MARCHF1: variants seen among roughly 807,000 people sequenced by gnomAD.
The protein encoded by MARCHF1 is E3 ubiquitin-protein ligase MARCHF1.
A neutral mutation model predicts 54.2 loss-of-function variants in MARCHF1; 40 were observed. The ratio of observed to expected loss-of-function variants is 0.74; its 90% CI spans 0.57 to 0.96. The LOEUF is 0.96. MARCHF1 is among the 40% of genes least tolerant of loss of function. MARCHF1 has a pLI of 0.00. For synonymous variants in MARCHF1, 236 were observed against 236.3 expected (o/e 1.00, Z 0.01); for missense variants, 586 against 656.5 (o/e 0.89, Z 1.17).
intron 1 of MARCHF1, among the ~76,000 whole-genome samples, chr4:164,229,569 A>G (rs1365588125): frequency 6.6e-6 from 1 of 152,204 alleles, no homozygotes; most frequent in Non-Finnish European, 1.5e-5. Flanking sequence ...CAGGTGAGTT[A>G]GTCCTTTCCC....
At chr4:164,096,687 G>T (rs1444572056) in intron 2 of MARCHF1, among the ~76,000 whole-genome samples, 2 of 152,000 alleles carry the variant, frequency 1.3e-5, no homozygotes, top group African/African-American at 4.8e-5. Flanking sequence ...CACAAAAACA[G>T]AATGTAATAG....
intron 1 of MARCHF1, among the ~76,000 whole-genome samples, chr4:164,284,130 A>T (rs1168412511): frequency 1.3e-5 from 2 of 151,096 alleles, no homozygotes; most frequent in Non-Finnish European, 2.9e-5. Context: ...CTGAGATGCT[A>T]AGGTTCGCTA....
At chr4:163,547,091 C>T (rs2110923970) in intron 8 of MARCHF1, among the ~76,000 whole-genome samples, 1 of 152,280 alleles carries the variant, frequency 6.6e-6, no homozygotes. Flanking sequence ...ACCTGACCAT[C>T]CCACATGTGG....
intron 4 of MARCHF1, among the ~76,000 whole-genome samples, chr4:163,849,929 C>A (rs1448362967): frequency 6.6e-6 from 1 of 152,154 alleles, no homozygotes; most frequent in African/African-American, 2.4e-5. Context: ...CGGCCCTAAA[C>A]CCATTTTTCT....
intron 1 of MARCHF1, among the ~76,000 whole-genome samples, chr4:164,256,986 T>C (rs1278954107): frequency 6.6e-6 from 1 of 152,150 alleles, no homozygotes; most frequent in African/African-American, 2.4e-5. Flanking sequence ...GTAGTATAAT[T>C]GTCACAATTC....
chr4:164,238,181 G>C (rs554817444), intron 1 of MARCHF1, among the ~76,000 whole-genome samples: 17 of 152,006 alleles, frequency 1.1e-4, no homozygotes, highest in Non-Finnish European at 1.8e-4. Flanking sequence ...ACCTTTTCTT[G>C]AAAGTTATTT....
At chr4:164,202,338 T>A (rs910856543) in intron 1 of MARCHF1, among the ~76,000 whole-genome samples, 1 of 152,182 alleles carries the variant, frequency 6.6e-6, no homozygotes, top group Non-Finnish European at 1.5e-5. Context: ...GTAGATATTA[T>A]GAACCATAAA....
At chr4:164,190,846 G>A (rs2111048091) in intron 1 of MARCHF1, among the ~76,000 whole-genome samples, 1 of 152,280 alleles carries the variant, frequency 6.6e-6, no homozygotes, top group Non-Finnish European at 1.5e-5. Context: ...AGACTTTTTA[G>A]GGCAGAGGAC....
At chr4:163,886,042 T>TGATA (rs1176724576) in intron 3 of MARCHF1, among the ~76,000 whole-genome samples, 2 of 148,476 alleles carry the variant, frequency 1.3e-5, no homozygotes, top group Non-Finnish European at 3.0e-5. Context: ...TAGCCTGGTA[T>TGATA]GATAGTGTGC....
intron 3 of MARCHF1, among the ~76,000 whole-genome samples, chr4:163,901,029 C>T (rs1340137542): frequency 6.6e-6 from 1 of 152,142 alleles, no homozygotes; most frequent in African/African-American, 2.4e-5. Context: ...CTTTTGTTCA[C>T]CACATAACTT....
intron 1 of MARCHF1, among the ~76,000 whole-genome samples, chr4:164,232,514 T>C (rs2111183473): frequency 6.6e-6 from 1 of 152,258 alleles, no homozygotes. Context: ...TCCCTGTCTC[T>C]CATACCCTGA....
intron 3 of MARCHF1, among the ~76,000 whole-genome samples, chr4:163,948,212 C>T (rs1399973158): frequency 1.3e-5 from 2 of 152,314 alleles, no homozygotes; most frequent in East Asian, 1.9e-4. Flanking sequence ...ACATGGTATA[C>T]TTTACGTTTC....
At chr4:163,879,944 T>C (rs1276840928) in intron 3 of MARCHF1, among the ~76,000 whole-genome samples, 1 of 152,096 alleles carries the variant, frequency 6.6e-6, no homozygotes, top group African/African-American at 2.4e-5. Flanking sequence ...TTCCAATTCA[T>C]GATACCTAAG....
chr4:164,146,745 T>A (rs528968578), intron 1 of MARCHF1, among the ~76,000 whole-genome samples: 6 of 152,286 alleles, frequency 3.9e-5, no homozygotes, highest in African/African-American at 1.4e-4. Context: ...GGCTTTACCA[T>A]TCAGGACATA....
chr4:163,846,095 G>A (rs977182205), intron 4 of MARCHF1, among the ~76,000 whole-genome samples: 1 of 152,092 alleles, frequency 6.6e-6, no homozygotes, highest in African/African-American at 2.4e-5. Flanking sequence ...ACCTTTGGCA[G>A]TACTTAGTAA....
At chr4:163,673,768 A>G (rs1425094132) in intron 5 of MARCHF1, among the ~76,000 whole-genome samples, 1 of 152,218 alleles carries the variant, frequency 6.6e-6, no homozygotes, top group Non-Finnish European at 1.5e-5. Flanking sequence ...AATATAATTC[A>G]TGAATTGGAG....
intron 3 of MARCHF1, among the ~76,000 whole-genome samples, chr4:163,886,170 T>C (rs974614801): frequency 8.0e-5 from 12 of 150,148 alleles, no homozygotes; most frequent in East Asian, 3.9e-4. Context: ...AATAGATCTA[T>C]ATATCTATAG....
chr4:163,700,643 G>A (rs17044036), intron 5 of MARCHF1, among the ~76,000 whole-genome samples, 170 bp downstream of exon 5: 4,459 of 152,030 alleles, frequency 0.029, 86 homozygotes, highest in Non-Finnish European at 0.029. Context: ...ATTTTCTTGC[G>A]TAAAATCATG....
At position 164,201,941 on chromosome 4, in the gene MARCHF1, A is replaced by G. The variant is rs532438576; in HGVS notation, c.-322-90279T>C. ...AGCTAATTATTCTTTCCTTCAATGA[A>G]ATAGATACTTTATGTTTCTACTCAA... On this transcript the variant is annotated intron_variant, in intron 1 of 9. Transcript: ENST00000514618. Among the ~76,000 whole-genome samples the G allele has an allele frequency of 1.6e-4, 24 of 152,370 alleles. No homozygotes were observed. In the South Asian group the frequency reaches 3.7e-3, roughly 24 times the overall value.
Sources: allele counts gnomAD v4.1 joint callset (sites outside exome capture counted in the v4.1 genomes callset), GRCh38; gene constraint gnomAD v4.1.1; transcripts MANE v1.5; gene names NCBI Gene and HGNC (gene_info 2026-07-23, HGNC 2026-07-21).